NLRP12: variants seen among roughly 807,000 people sequenced by gnomAD.
The protein encoded by NLRP12 is NACHT, LRR and PYD domains-containing protein 12.
NLRP12 carries 108 observed loss-of-function variants against 91.2 expected under a neutral mutation model. The ratio of observed to expected loss-of-function variants is 1.18; its 90% CI spans 1.01 to 1.39. The LOEUF is 1.39. NLRP12 is among the 40% of genes most tolerant of loss of function. The pLI, the probability that NLRP12 is intolerant of heterozygous loss-of-function variation, is 0.00. For synonymous variants in NLRP12, 613 were observed against 566.7 expected (o/e 1.08, Z -1.16); for missense variants, 1,530 against 1,352.7 (o/e 1.13, Z -2.06).
Position 53,809,882 on chromosome 19 carries a change from G to GC in NLRP12, c.1776dup (p.Gln593AlafsTer111). ...CTCTGAGCTTTGCTTTGGATCCACT[G>GC]CAACAGGTCCATCTTGATGTGCGGC... On this transcript the variant is annotated frameshift_variant, in exon 3 of 10. Coordinates refer to ENST00000324134, the MANE Select transcript of NLRP12 (RefSeq NM_144687.4). LOFTEE classifies it high-confidence loss of function. 6.2e-7 allele frequency: 1 copy of GC among 1,614,096 alleles called. No individual in the cohort carries two copies. The highest frequency in any genetic ancestry group is 8.5e-7 in the Non-Finnish European group (1 of 1,180,036).
chr19:53,816,260 T>C (rs1406042408), intron 1 of NLRP12, among the ~76,000 whole-genome samples: 1 of 152,084 alleles, frequency 6.6e-6, no homozygotes, highest in Non-Finnish European at 1.5e-5. Flanking sequence ...TGGTCCTCAC[T>C]CTGATAAGTT....
intron 5 of NLRP12, among the ~76,000 whole-genome samples, chr19:53,804,494 G>C (rs111768950): frequency 0.062 from 9,114 of 147,964 alleles, 383 homozygotes; most frequent in East Asian, 0.16. Context: ...CACCTCCTGG[G>C]TTCAAGTGAT....
chr19:53,810,184 G>A lies in NLRP12; in HGVS notation c.1475C>T (p.Ser492Phe). Residue 492 changes from serine (S) to phenylalanine (F), a missense_variant, in exon 3 of 10, where the codon TCT becomes TTT. Physicochemically the swap from Ser to Phe is radical, Grantham distance 155. Transcript: ENST00000324134. ...GAAGATGTTCATGTTGAGGAAGGCA[G>A]AGACGTCTTCCCCGTCTAGGCCGTG... ...RKHGLDGEDV[S>F]AFLNMNIFQK... 1 of 1,614,182 alleles carries A rather than the reference G, an allele frequency of 6.2e-7. No individual in the cohort carries two copies. The highest frequency in any genetic ancestry group is 8.5e-7 in the Non-Finnish European group (1 of 1,180,024).
rs140769141 is a variant in NLRP12 at position 53,795,933 on chromosome 19, G to A, written c.3024C>T (p.Asn1008=). ...GTCGGACACCTGTGTCCCCTAGGGC[G>A]TTGTTGGTCAGGTAAAGGTCGGTCA... The part of the protein sequence containing the change: ...QTLTDLYLTN[N]ALGDTGVRLL... The change falls in exon 9 of 10, where the codon AAC becomes AAT. Residue 1008 remains asparagine, a synonymous_variant. Transcript: ENST00000324134. 7.2e-4 allele frequency: 1,165 copies of A among 1,614,136 alleles called. No homozygotes were observed. The highest frequency in any genetic ancestry group is 3.1e-3 in the African/African-American group (230 of 75,046).
At chr19:53,809,183 G>A (rs3974832) in intron 3 of NLRP12, among the ~76,000 whole-genome samples, 117,667 of 147,704 alleles carry the variant, frequency 0.8, 46,911 homozygotes, top group Admixed American at 0.84. Context: ...CCAAGATTGC[G>A]CCACTGCACA....
At chr19:53,806,862 A>AT (rs923895377) in intron 4 of NLRP12, among the ~76,000 whole-genome samples, 17 of 85,486 alleles carry the variant, frequency 2.0e-4, no homozygotes, top group Admixed American at 3.0e-4. Context: ...TGTCTCAAAA[A>AT]TTTAAAAAAA....
At chr19:53,795,099 GGTGTGTGC>G (rs1328117992) in intron 9 of NLRP12, among the ~76,000 whole-genome samples, 116 of 133,508 alleles carry the variant, frequency 8.7e-4, no homozygotes, top group Middle Eastern at 4.0e-3. Flanking sequence ...CACCATACCT[GGTGTGTGC>G]GTGTGTGTGT....
rs945063133 is a variant in NLRP12, at chr19:53,807,632, A to T, written c.2106T>A (p.Ser702Arg). The T allele has an allele frequency of 6.2e-7, 1 of 1,613,986 alleles. No homozygotes were observed. Among genetic ancestry groups the T allele is most frequent in the Admixed American group, 1.7e-5 (1 of 59,968 alleles). ...TGCACAGGGCCGCTGCCAGATGTTC[A>T]CTGTAGGCGTCCAGCAGAACGGTCC... ...PERTVLLDAYSEHLAAALCTN... is the reference protein window; with the variant it reads ...PERTVLLDAYREHLAAALCTN... Residue 702 changes from serine (S) to arginine (R), a missense_variant, in exon 4 of 10, where the codon AGT becomes AGA. Coordinates refer to ENST00000324134, the MANE Select transcript of NLRP12 (RefSeq NM_144687.4).
At chr19:53,819,095 G>C (rs1020474476) in intron 1 of NLRP12, among the ~76,000 whole-genome samples, 1 of 152,038 alleles carries the variant, frequency 6.6e-6, no homozygotes, top group African/African-American at 2.4e-5. Context: ...TGTCAATGCT[G>C]GGAGAGATTT....
At position 53,807,459 on chromosome 19, in the gene NLRP12, G is replaced by A. The variant is rs201492474; in HGVS notation, c.2243+36C>T. ...TGATCCCCATGAGAGGCCACGGTGG[G>A]GACCACCTGAAACGCCCAGACCAGC... On this transcript the variant is annotated intron_variant, in intron 4 of 9. Coordinates refer to ENST00000324134, the MANE Select transcript of NLRP12 (RefSeq NM_144687.4). 4,342 of 1,602,644 alleles carry A rather than the reference G, an allele frequency of 2.7e-3. 12 individuals carry two copies. The highest frequency in any genetic ancestry group is 3.4e-3 in the Non-Finnish European group (4,042 of 1,172,920).
chr19:53,811,793 T>C (rs1214492957), intron 2 of NLRP12, among the ~76,000 whole-genome samples: 3 of 151,898 alleles, frequency 2.0e-5, no homozygotes, highest in African/African-American at 7.2e-5. Context: ...TCTCGATCTC[T>C]TGACCTCATG....
intron 9 of NLRP12, among the ~76,000 whole-genome samples, chr19:53,794,779 G>T (rs1368029020): frequency 6.6e-6 from 1 of 151,268 alleles, no homozygotes; most frequent in Non-Finnish European, 1.5e-5. Context: ...CGATTCTCCT[G>T]CCTTAGCCTC....
At chr19:53,816,819 G>C (rs2092167194) in intron 1 of NLRP12, among the ~76,000 whole-genome samples, 1 of 150,122 alleles carries the variant, frequency 6.7e-6, no homozygotes, top group African/African-American at 2.5e-5. Context: ...TGGGATTACA[G>C]GCGTGAGCTA....
In NLRP12 at chr19:53,805,342, G is replaced by T; in HGVS notation, c.2352C>A (p.Phe784Leu). Reference sequence around the variant, plus strand: ...CCTCGCAAAGCAGCATCATGCCTGGGAATCCAACGCCGTTGCCACTGAGAT... The same window carrying T: ...CCTCGCAAAGCAGCATCATGCCTGGTAATCCAACGCCGTTGCCACTGAGAT... ...RMDLSGNGVG[F>L]PGMMLLCEGL... Residue 784 changes from phenylalanine (F) to leucine (L), a missense_variant, in exon 5 of 10, where the codon TTC becomes TTA. Phe to Leu is a conservative substitution (Grantham distance 22). Coordinates refer to ENST00000324134, the MANE Select transcript of NLRP12 (RefSeq NM_144687.4). 1 of 1,614,058 alleles carries T rather than the reference G, an allele frequency of 6.2e-7. No homozygotes were observed. The highest frequency in any genetic ancestry group is 2.2e-5 in the East Asian group (1 of 44,866).
chr19:53,811,540 AATTT>A (rs201165487), intron 2 of NLRP12, among the ~76,000 whole-genome samples: 3,338 of 151,736 alleles, frequency 0.022, 46 homozygotes, highest in Non-Finnish European at 0.03. Flanking sequence ...TAATTAAAAT[AATTT>A]ATTTGTTTTG....
At chr19:53,815,299 G>A (rs142921124) in intron 1 of NLRP12, among the ~76,000 whole-genome samples, 10,391 of 143,914 alleles carry the variant, frequency 0.072, 434 homozygotes, top group Middle Eastern at 0.092. Flanking sequence ...CATGATCTCG[G>A]CTCACCACAA....
chr19:53,800,543 T>C (rs1366204210), intron 7 of NLRP12, among the ~76,000 whole-genome samples: 1 of 151,130 alleles, frequency 6.6e-6, no homozygotes. Flanking sequence ...TGCCAGGGAA[T>C]AAGAATTGCT....
intron 4 of NLRP12, among the ~76,000 whole-genome samples, chr19:53,806,422 T>A (rs1328375486): frequency 2.0e-5 from 3 of 147,878 alleles, no homozygotes; most frequent in Admixed American, 2.0e-4. Context: ...GGTGGCTCAG[T>A]CTGTAATCCC....
chr19:53,823,793 G>A (rs1388805224), intron 1 of NLRP12, 93 bp downstream of exon 1: 4 of 1,391,996 alleles, frequency 2.9e-6, no homozygotes, highest in Non-Finnish European at 4.1e-6. Context: ...CAAGTGATCT[G>A]CCCTCTTCAG....
Sources: allele counts gnomAD v4.1 joint callset (sites outside exome capture counted in the v4.1 genomes callset), GRCh38; gene constraint gnomAD v4.1.1; transcripts MANE v1.5; gene names NCBI Gene and HGNC (gene_info 2026-07-23, HGNC 2026-07-21).